CACNA1E: variants seen among roughly 807,000 people sequenced by gnomAD.
CACNA1E encodes the protein calcium voltage-gated channel subunit alpha1 E, also known as voltage-dependent R-type calcium channel subunit alpha-1E.
Under a neutral mutation model 259.2 loss-of-function variants are expected in CACNA1E, and 40 were observed. That is an observed-to-expected ratio of 0.15 (90% CI 0.12 to 0.20). The LOEUF is 0.20. CACNA1E is among the 10% of genes least tolerant of loss of function. The pLI is 1.00. For synonymous variants in CACNA1E, 1,104 were observed against 1,138.5 expected (o/e 0.97, Z 0.61); for missense variants, 1,874 against 3,040.1 (o/e 0.62, Z 9.02).
At chr1:181,336,699 GC>G (rs1440767733) in intron 1 of CACNA1E, among the ~76,000 whole-genome samples, 1 of 152,054 alleles carries the variant, frequency 6.6e-6, no homozygotes, top group Non-Finnish European at 1.5e-5. Flanking sequence ...AAACTAGACT[GC>G]TTACCCATCA....
intron 25 of CACNA1E, among the ~76,000 whole-genome samples, chr1:181,749,830 T>C (rs1430225332): frequency 6.6e-6 from 1 of 152,260 alleles, no homozygotes; most frequent in Non-Finnish European, 1.5e-5. Context: ...ATTTAATTTA[T>C]CAAAAGGCAA....
At chr1:181,675,481 G>A (rs114724885) in intron 7 of CACNA1E, among the ~76,000 whole-genome samples, 1,659 of 152,216 alleles carry the variant, frequency 0.011, 33 homozygotes, top group African/African-American at 0.038. Flanking sequence ...TATGCAAAAC[G>A]TATATGTGTT....
chr1:181,687,728 G>T (rs1250725176), intron 7 of CACNA1E, among the ~76,000 whole-genome samples: 1 of 151,976 alleles, frequency 6.6e-6, no homozygotes, highest in African/African-American at 2.4e-5. Flanking sequence ...ATAGTATATG[G>T]TTTGTTACAG....
chr1:181,399,839 A>T (rs1656964466), intron 1 of CACNA1E, among the ~76,000 whole-genome samples: 2 of 152,278 alleles, frequency 1.3e-5, no homozygotes, highest in Admixed American at 6.5e-5. Context: ...CTGTTAAAAT[A>T]GTAAAAATAC....
At position 181,527,406 on chromosome 1, in the gene CACNA1E, T is replaced by C. The variant is rs545442918; in HGVS notation, c.512+15896T>C. 2.6e-5 allele frequency among the ~76,000 whole-genome samples: 4 copies of C among 152,362 alleles called. No individual in the cohort carries two copies. In the South Asian group the frequency reaches 6.2e-4, roughly 24 times the overall value. ...ACATTGGGGATTAGGTTTCAACATA[T>C]GGATTTTGGGGATACACAAACATTC... On this transcript the variant is annotated intron_variant, in intron 3 of 47. Transcript: ENST00000367573.
rs75127519 is a variant in CACNA1E, at chr1:181,332,408, T to C, written c.-15+14285T>C. On this transcript the variant is annotated intron_variant, in intron 1 of 11. Coordinates refer to the CACNA1E transcript ENST00000524607. ...TGGAAAAAAAAGAGATAATGAAACATAGTTCAATTAAAAGATACAAATTGT... is the reference window on the plus strand; with the variant it reads ...TGGAAAAAAAAGAGATAATGAAACACAGTTCAATTAAAAGATACAAATTGT... Among the ~76,000 whole-genome samples, 1,432 of 152,284 alleles carry C rather than the reference T, an allele frequency of 9.4e-3. 29 individuals are homozygous for C. The highest frequency in any genetic ancestry group is 0.033 in the African/African-American group (1,372 of 41,572).
At chr1:181,751,553 T>C (rs1174656655) in intron 26 of CACNA1E, among the ~76,000 whole-genome samples, 2 of 152,202 alleles carry the variant, frequency 1.3e-5, no homozygotes, top group Non-Finnish European at 2.9e-5. Context: ...GAGAGTGTCA[T>C]GTCTGCCACC....
chr1:181,481,154 G>A (rs964645881), upstream of CACNA1E, among the ~76,000 whole-genome samples: 1 of 152,148 alleles, frequency 6.6e-6, no homozygotes, highest in Non-Finnish European at 1.5e-5. Context: ...GATTAAAGCA[G>A]GAGGAAGGAC....
intron 3 of CACNA1E, among the ~76,000 whole-genome samples, chr1:181,546,777 C>T (rs1221521019): frequency 6.6e-6 from 1 of 152,212 alleles, no homozygotes; most frequent in Non-Finnish European, 1.5e-5. Flanking sequence ...ACATGATGTG[C>T]TCTGAATATC....
intron 1 of CACNA1E, among the ~76,000 whole-genome samples, chr1:181,400,384 C>T (rs1657008265): frequency 6.6e-6 from 1 of 152,098 alleles, no homozygotes; most frequent in Non-Finnish European, 1.5e-5. Context: ...TTTATGTGGC[C>T]TGACGTTGGG....
chr1:181,755,222 T>C lies in CACNA1E; in HGVS notation c.3829-15T>C. On this transcript the variant is annotated splice_polypyrimidine_tract_variant and intron_variant, in intron 27 of 47. Coordinates refer to ENST00000367573, the MANE Select transcript of CACNA1E (RefSeq NM_001205293.3). ...CACAGGGTTCACACAGCAGGGCTGT[T>C]TGCTCTGTCCACAGGCCGTCTTCGA... 6.2e-7 allele frequency: 1 copy of C among 1,610,488 alleles called. No homozygotes were observed. Among genetic ancestry groups the C allele is most frequent in the Non-Finnish European group, 8.5e-7 (1 of 1,177,864 alleles).
rs1341033159 is a variant in CACNA1E at position 181,758,707 on chromosome 1, C to T, written c.4495-51C>T. 1 of 1,059,438 alleles carries T rather than the reference C, an allele frequency of 9.4e-7. No individual in the cohort carries two copies. The highest frequency in any genetic ancestry group is 2.4e-5 in the East Asian group (1 of 42,312). The allele number at this position is 1,059,438 out of a possible 1,614,324, so 65.6% of individuals were successfully genotyped here. A position where few individuals can be genotyped will look rare whatever the true frequency, so the allele number is the denominator to read the frequency against. On this transcript the variant is annotated intron_variant, in intron 31 of 47. Coordinates refer to ENST00000367573, the MANE Select transcript of CACNA1E (RefSeq NM_001205293.3). The surrounding 1 kb of genome is among the most constrained non-coding windows in gnomAD (Gnocchi z 4.2). ...CCAACCTCAGTGACATGTATTCCCC[C>T]TCTTACCTTAAGGCTGTGATTCTTT...
intron 1 of CACNA1E, among the ~76,000 whole-genome samples, chr1:181,351,395 A>G (rs1216823884): frequency 6.6e-6 from 1 of 152,200 alleles, no homozygotes; most frequent in Non-Finnish European, 1.5e-5. Flanking sequence ...AGGTGGAGGA[A>G]GATGGCCATA....
intron 1 of CACNA1E, among the ~76,000 whole-genome samples, chr1:181,502,464 A>G (rs1572035577): frequency 6.6e-6 from 1 of 152,258 alleles, no homozygotes; most frequent in East Asian, 1.9e-4. Flanking sequence ...AAAGAAGTCC[A>G]GAAGGAGCCC....
chr1:181,780,539 G>A (rs749340415), intron 38 of CACNA1E, among the ~76,000 whole-genome samples: 2 of 152,192 alleles, frequency 1.3e-5, no homozygotes, highest in Non-Finnish European at 2.9e-5. Flanking sequence ...CTGGACAATG[G>A]GATAGAGCTG....
At chr1:181,692,292 G>GA (rs1651244933) in intron 7 of CACNA1E, among the ~76,000 whole-genome samples, 1 of 152,090 alleles carries the variant, frequency 6.6e-6, no homozygotes, top group South Asian at 2.1e-4. Context: ...CACAGAATTA[G>GA]AAAAAACTAT....
chr1:181,683,020 T>A (rs1442886633), intron 7 of CACNA1E, among the ~76,000 whole-genome samples: 1 of 152,198 alleles, frequency 6.6e-6, no homozygotes, highest in African/African-American at 2.4e-5. Flanking sequence ...CTTCCATGAA[T>A]ACCTTCCCCA....
rs564723936 is a variant in CACNA1E, at chr1:181,799,920, C to G, written c.*1086C>G. 3.9e-5 allele frequency: 6 copies of G among 152,576 alleles called. No homozygotes were observed. In the East Asian group the frequency reaches 1.2e-3, roughly 29 times the overall value. The allele number at this position is 152,576 out of a possible 1,614,324, so 9.5% of individuals were successfully genotyped here. On this transcript the variant is annotated 3_prime_UTR_variant, in exon 48 of 48. Coordinates refer to ENST00000367573, the MANE Select transcript of CACNA1E (RefSeq NM_001205293.3). Reference sequence around the variant, plus strand: ...GCCCACACTCTGGTCCATGAGGCAGCAAGGCCAGTGCTGTGCCAAGCCCGG... The same window carrying G: ...GCCCACACTCTGGTCCATGAGGCAGGAAGGCCAGTGCTGTGCCAAGCCCGG...
At chr1:181,623,242 A>G (rs1010051225) in intron 6 of CACNA1E, among the ~76,000 whole-genome samples, 4 of 152,220 alleles carry the variant, frequency 2.6e-5, no homozygotes, top group Non-Finnish European at 5.9e-5. Context: ...GTAACATTTG[A>G]CATCTGTATT....
Sources: allele counts gnomAD v4.1 joint callset (sites outside exome capture counted in the v4.1 genomes callset), GRCh38; gene constraint gnomAD v4.1.1; non-coding constraint Gnocchi (gnomAD v3.1); transcripts MANE v1.5; gene names NCBI Gene and HGNC (gene_info 2026-07-23, HGNC 2026-07-21).